Variants in ELL2 observed in about 807,000 individuals in gnomAD.
ELL2 encodes the protein RNA polymerase II elongation factor ELL2.
A neutral mutation model predicts 72.8 loss-of-function variants in ELL2; 21 were observed. The observed-to-expected ratio is 0.29, with a 90% confidence interval of 0.20 to 0.42. The LOEUF (loss-of-function observed/expected upper bound fraction) is 0.42, where lower values mean the gene tolerates loss of function less well. Among genes scored for constraint, ELL2 ranks in the 10% least tolerant of loss-of-function variants. The probability of loss-of-function intolerance (pLI) is 1.00; values close to 1 mark genes in which losing one functional copy is unlikely to be tolerated. For missense variants in ELL2, 568 were observed against 772.8 expected (o/e 0.73, Z 3.14); for synonymous variants, 266 against 283.2 (o/e 0.94, Z 0.61).
At chr5:95,961,115 T>C (rs977487980) in intron 1 of ELL2, among the ~76,000 whole-genome samples, 2 of 152,038 alleles carry the variant, frequency 1.3e-5, no homozygotes, top group Non-Finnish European at 2.9e-5. Context: ...TCTCTGAGGA[T>C]CCACCGTGCC....
At chr5:95,939,364 AT>A (rs10713994) in intron 2 of ELL2, among the ~76,000 whole-genome samples, 48,923 of 152,040 alleles carry the variant, frequency 0.32, 9,202 homozygotes, top group African/African-American at 0.53. Flanking sequence ...TGCCATGCCC[AT>A]CCCTGCATCT....
At chr5:95,938,842 C>A (rs1326349158) in intron 2 of ELL2, among the ~76,000 whole-genome samples, 1 of 152,142 alleles carries the variant, frequency 6.6e-6, no homozygotes, top group African/African-American at 2.4e-5. Context: ...ATAATATTCT[C>A]ATAACAAATA....
At position 95,896,607 on chromosome 5, in the gene ELL2, A is replaced by G. The variant is rs1354859330; in HGVS notation, c.1526-916T>C. Among the ~76,000 whole-genome samples, 5 of 152,334 alleles carry G rather than the reference A, an allele frequency of 3.3e-5. No individual in the cohort carries two copies. The East Asian group carries it at 9.6e-4, about 29-fold the overall frequency. On this transcript the variant is annotated intron_variant, in intron 8 of 11. Transcript: ENST00000237853. Reference sequence around the variant, plus strand: ...TAAATTCATGCTTGGGTAAAAGAACATGCTTTTACGATAGTCTGAGTCTTA... The same window carrying G: ...TAAATTCATGCTTGGGTAAAAGAACGTGCTTTTACGATAGTCTGAGTCTTA...
At chr5:95,897,122 A>G (rs1345912501) in intron 8 of ELL2, among the ~76,000 whole-genome samples, 1 of 152,230 alleles carries the variant, frequency 6.6e-6, no homozygotes, top group Non-Finnish European at 1.5e-5. Flanking sequence ...TCCAATCTAG[A>G]TCAAGAAAAG....
chr5:95,901,469 C>T (rs58029921), intron 5 of ELL2, among the ~76,000 whole-genome samples: 9,363 of 152,260 alleles, frequency 0.061, 750 homozygotes, highest in East Asian at 0.42. Flanking sequence ...TGCCTAAAAA[C>T]TCCGATGGTA....
chr5:95,902,478 C>T (rs892567932), intron 5 of ELL2, among the ~76,000 whole-genome samples: 10 of 152,158 alleles, frequency 6.6e-5, no homozygotes, highest in East Asian at 5.8e-4. Flanking sequence ...TACAGGTTCA[C>T]GTGCCAAACC....
intron 10 of ELL2, among the ~76,000 whole-genome samples, chr5:95,890,170 C>G (rs1748606408): frequency 6.6e-6 from 1 of 152,082 alleles, no homozygotes. Flanking sequence ...AAAATAAACC[C>G]CAAACCACCA....
At chr5:95,953,472 A>C (rs761228924) in intron 1 of ELL2, among the ~76,000 whole-genome samples, 2 of 152,228 alleles carry the variant, frequency 1.3e-5, no homozygotes, top group Non-Finnish European at 2.9e-5. Context: ...AAATATGCTA[A>C]TACTTGTTTC....
intron 3 of ELL2, among the ~76,000 whole-genome samples, chr5:95,915,117 T>G (rs1749736259): frequency 1.3e-5 from 2 of 152,208 alleles, no homozygotes; most frequent in Admixed American, 1.3e-4. Context: ...TGATAATTTT[T>G]TTTTGAGATG....
chr5:95,923,329 A>G (rs1034340906), intron 2 of ELL2, among the ~76,000 whole-genome samples: 4 of 152,088 alleles, frequency 2.6e-5, no homozygotes, highest in Non-Finnish European at 5.9e-5. Context: ...TGCCACACAC[A>G]ATGATAAGAT....
chr5:95,912,012 A>T (rs1271599349), intron 4 of ELL2, among the ~76,000 whole-genome samples: 1 of 152,220 alleles, frequency 6.6e-6, no homozygotes, highest in African/African-American at 2.4e-5. Context: ...TTTGGTTCAC[A>T]TGTAAACTCT....
chr5:95,925,052 T>C (rs1750236823), intron 2 of ELL2, among the ~76,000 whole-genome samples: 1 of 152,252 alleles, frequency 6.6e-6, no homozygotes, highest in South Asian at 2.1e-4. Flanking sequence ...TTGAGTCAAA[T>C]ACTTTCTACT....
At chr5:95,952,694 A>G (rs1471374551) in intron 1 of ELL2, among the ~76,000 whole-genome samples, 1 of 152,248 alleles carries the variant, frequency 6.6e-6, no homozygotes, top group East Asian at 1.9e-4. Flanking sequence ...TGAGATATCT[A>G]TTAAACTTTG....
intron 2 of ELL2, among the ~76,000 whole-genome samples, chr5:95,924,798 A>G (rs2112319022): frequency 6.6e-6 from 1 of 152,332 alleles, no homozygotes; most frequent in African/African-American, 2.4e-5. Flanking sequence ...GACATTTATA[A>G]TTAGCATAAA....
At chr5:95,914,015 A>T in intron 3 of ELL2, 81 bp from the exon 4 acceptor site, 3 of 1,318,826 alleles carry the variant, frequency 2.3e-6, no homozygotes, top group South Asian at 3.9e-5. Flanking sequence ...ATAATCCTAA[A>T]ATCAGCAGCC....
rs908431445 is a variant in ELL2, at chr5:95,885,508, G to A, written c.*3363C>T. 2.6e-5 allele frequency: 4 copies of A among 152,306 alleles called. No homozygotes were observed. Among genetic ancestry groups the A allele is most frequent in the East Asian group, 1.9e-4 (1 of 5,190 alleles). 9.4% of individuals were successfully genotyped at this position (152,306 alleles called of 1,614,324 possible). A position where few individuals can be genotyped will look rare whatever the true frequency, so the allele number is the denominator to read the frequency against. ...TAGTAAAGGCATATACCAAGCATAC[G>A]TGACTCCACACATTGTCAGAAAGGC... On this transcript the variant is annotated 3_prime_UTR_variant, in exon 12 of 12. Coordinates refer to ENST00000237853, the MANE Select transcript of ELL2 (RefSeq NM_012081.6).
In ELL2 at chr5:95,902,354, C is replaced by A. The variant is rs548725669; in HGVS notation, c.742-1274G>T. Among the ~76,000 whole-genome samples, 8 of 152,268 alleles carry A rather than the reference C, an allele frequency of 5.3e-5. No individual in the cohort carries two copies. The South Asian group carries it at 6.2e-4, about 12-fold the overall frequency. ...TAAATGAAAACATATGCCTAGAGAA[C>A]CCCCAAATTACTGTTATTAGTCAGC... On this transcript the variant is annotated intron_variant, in intron 5 of 11. Transcript: ENST00000237853.
chr5:95,949,490 C>T (rs1340894977), intron 1 of ELL2, among the ~76,000 whole-genome samples: 1 of 152,044 alleles, frequency 6.6e-6, no homozygotes, highest in African/African-American at 2.4e-5. Flanking sequence ...CAACTTTATT[C>T]TTTAAGGTTA....
intron 1 of ELL2, among the ~76,000 whole-genome samples, chr5:95,958,715 T>C (rs928815989): frequency 1.3e-5 from 2 of 152,160 alleles, no homozygotes; most frequent in African/African-American, 2.4e-5. Flanking sequence ...ATCCTAGGAC[T>C]AATACAAGCT....
Sources: allele counts gnomAD v4.1 joint callset (sites outside exome capture counted in the v4.1 genomes callset), GRCh38; gene constraint gnomAD v4.1.1; transcripts MANE v1.5; gene names NCBI Gene and HGNC (gene_info 2026-07-23, HGNC 2026-07-21).